The following NUDT3 variants were observed in gnomAD, a reference collection of about 807,000 sequenced individuals.
The protein encoded by NUDT3 is nudix hydrolase 3, also known as diphosphoinositol polyphosphate phosphohydrolase 1.
A neutral mutation model predicts 23.6 loss-of-function variants in NUDT3; 9 were observed. That is an observed-to-expected ratio of 0.38 (90% confidence interval 0.23 to 0.66). NUDT3 has a LOEUF of 0.66. NUDT3 is among the 30% of genes least tolerant of loss of function. The pLI, the probability that NUDT3 is intolerant of heterozygous loss-of-function variation, is 0.52. For synonymous variants in NUDT3, 86 were observed against 82.6 expected (o/e 1.04, Z -0.22); for missense variants, 172 against 218.5 (o/e 0.79, Z 1.34).
intron 1 of NUDT3, among the ~76,000 whole-genome samples, chr6:34,343,293 T>C (rs1349172644): frequency 6.7e-6 from 1 of 150,122 alleles, no homozygotes; most frequent in African/African-American, 2.5e-5. Flanking sequence ...CTCACACCTG[T>C]AATCCCAGCA....
intron 1 of NUDT3, among the ~76,000 whole-genome samples, chr6:34,360,377 C>T (rs951909045): frequency 7.1e-4 from 108 of 152,104 alleles, no homozygotes; most frequent in African/African-American, 2.6e-3. Flanking sequence ...AATTCGAGAC[C>T]AGCCTGGCCA....
At chr6:34,382,778 C>T (rs1462609900) in intron 1 of NUDT3, among the ~76,000 whole-genome samples, 1 of 151,716 alleles carries the variant, frequency 6.6e-6, no homozygotes. Flanking sequence ...CTGCAGTTAG[C>T]CATGACTGCA....
chr6:34,281,898 T>A lies in NUDT3; in HGVS notation c.*6855A>T, dbSNP rs1032898699. Reference sequence around the variant, plus strand: ...TATAGCTCCCTTCTGAACTCCCTCATGTTCTTGGGAGGACACAAGCCTCTT... The same window carrying A: ...TATAGCTCCCTTCTGAACTCCCTCAAGTTCTTGGGAGGACACAAGCCTCTT... On this transcript the variant is annotated 3_prime_UTR_variant, in exon 5 of 5. Coordinates refer to ENST00000607016, the MANE Select transcript of NUDT3 (RefSeq NM_006703.4). The A allele has an allele frequency of 1.3e-4, 20 of 152,218 alleles. No individual in the cohort carries two copies. The highest frequency in any genetic ancestry group is 3.9e-4 in the African/African-American group (16 of 41,464). 9.4% of individuals were successfully genotyped at this position (152,218 alleles called of 1,614,324 possible).
intron 2 of NUDT3, among the ~76,000 whole-genome samples, chr6:34,334,970 A>G (rs1205330398): frequency 1.3e-5 from 2 of 151,832 alleles, no homozygotes; most frequent in African/African-American, 4.8e-5. Flanking sequence ...AGAAAGAGGG[A>G]GAGAAAGAAA....
At chr6:34,384,322 G>C (rs138287111) in intron 1 of NUDT3, among the ~76,000 whole-genome samples, 34 of 152,248 alleles carry the variant, frequency 2.2e-4, no homozygotes, top group Admixed American at 2.2e-3. Context: ...AACAACTTAG[G>C]AACAGCTTCA....
chr6:34,290,173 G>A (rs949104186), intron 4 of NUDT3, among the ~76,000 whole-genome samples: 6 of 152,062 alleles, frequency 3.9e-5, no homozygotes, highest in African/African-American at 1.2e-4. Flanking sequence ...AGAATGTGCT[G>A]CTGAATTTGC....
In NUDT3 at chr6:34,280,760, G is replaced by A. The variant is rs1763271248; in HGVS notation, c.*7993C>T. 6.6e-6 allele frequency: 1 copy of A among 152,200 alleles called. No individual in the cohort carries two copies. The highest frequency in any genetic ancestry group is 2.1e-4 in the South Asian group (1 of 4,828). The allele number at this position is 152,200 out of a possible 1,614,324, so 9.4% of individuals were successfully genotyped here. ...GTGGTCCTGATGGAAATGAACAGCA[G>A]CAGAGTTCTGGTGGGATAGAGCAGT... is the stretch of plus-strand genomic sequence containing the variant. On this transcript the variant is annotated 3_prime_UTR_variant, in exon 5 of 5. Transcript: ENST00000607016.
At chr6:34,342,425 C>G (rs1202629391) in intron 1 of NUDT3, among the ~76,000 whole-genome samples, 1 of 152,066 alleles carries the variant, frequency 6.6e-6, no homozygotes, top group Non-Finnish European at 1.5e-5. Flanking sequence ...AGTTTCTCAC[C>G]CATGAACTGG....
rs140578192 is a variant in NUDT3, at chr6:34,372,724, A to C, written c.99+19540T>G. Among the ~76,000 whole-genome samples, 638 of 152,096 alleles carry C rather than the reference A, an allele frequency of 4.2e-3. 5 individuals carry two copies. Among genetic ancestry groups the C allele is most frequent in the African/African-American group, 0.015 (605 of 41,514 alleles). On this transcript the variant is annotated intron_variant, in intron 1 of 4. Coordinates refer to ENST00000607016, the MANE Select transcript of NUDT3 (RefSeq NM_006703.4). ...GAGGCTGAGGCAGGAGAATCGCTTGAACCCAGGAGGCAGAGGTTGTGGTGG... is the reference window on the plus strand; with the variant it reads ...GAGGCTGAGGCAGGAGAATCGCTTGCACCCAGGAGGCAGAGGTTGTGGTGG...
At chr6:34,387,356 G>A (rs551081160) in intron 1 of NUDT3, among the ~76,000 whole-genome samples, 1 of 152,234 alleles carries the variant, frequency 6.6e-6, no homozygotes, top group African/African-American at 2.4e-5. Context: ...AGATGTGGAG[G>A]TGGAAGACAG....
chr6:34,349,681 C>T (rs1401197208), intron 1 of NUDT3, among the ~76,000 whole-genome samples: 2 of 150,626 alleles, frequency 1.3e-5, no homozygotes, highest in African/African-American at 4.9e-5. Flanking sequence ...CCCTATCCAC[C>T]CACTATCCAC....
chr6:34,308,755 TA>T (rs1763723367), intron 2 of NUDT3, among the ~76,000 whole-genome samples: 1 of 152,194 alleles, frequency 6.6e-6, no homozygotes, highest in South Asian at 2.1e-4. Flanking sequence ...TAATAATCCT[TA>T]ATGTGTATAT....
chr6:34,327,097 T>G (rs1159465534), intron 2 of NUDT3, among the ~76,000 whole-genome samples: 1 of 150,740 alleles, frequency 6.6e-6, no homozygotes, highest in Non-Finnish European at 1.5e-5. Flanking sequence ...GGGGGCAGGG[T>G]AAGGAGGGTG....
intron 2 of NUDT3, among the ~76,000 whole-genome samples, chr6:34,331,431 A>T (rs558367507): frequency 1.4e-4 from 21 of 152,272 alleles, no homozygotes; most frequent in African/African-American, 4.8e-4. Context: ...GACACTGTAC[A>T]TACTAACTTG....
chr6:34,304,975 ATTTTTTTTT>A (rs535349190), intron 2 of NUDT3, among the ~76,000 whole-genome samples: 6 of 85,352 alleles, frequency 7.0e-5, no homozygotes, highest in South Asian at 4.0e-4. Flanking sequence ...CCCGGTCTGA[ATTTTTTTTT>A]TTTTTTTTTT....
Position 34,283,432 on chromosome 6 carries a change from T to A in NUDT3, c.*5321A>T, listed in dbSNP as rs1291241252. ...ATTGGTCAGGCTGGTCTTGAACTCCTGACCTTGTGATCCACCCGCCTCGGC... is the reference window on the plus strand; with the variant it reads ...ATTGGTCAGGCTGGTCTTGAACTCCAGACCTTGTGATCCACCCGCCTCGGC... On this transcript the variant is annotated 3_prime_UTR_variant, in exon 5 of 5. Transcript: ENST00000607016. 2 of 152,210 alleles carry A rather than the reference T, an allele frequency of 1.3e-5. No individual in the cohort carries two copies. Among genetic ancestry groups the A allele is most frequent in the Non-Finnish European group, 2.9e-5 (2 of 68,058 alleles). 9.4% of individuals were successfully genotyped at this position (152,210 alleles called of 1,614,324 possible).
chr6:34,333,465 G>C (rs1370194264), intron 2 of NUDT3, among the ~76,000 whole-genome samples: 1 of 151,578 alleles, frequency 6.6e-6, no homozygotes, highest in Non-Finnish European at 1.5e-5. Context: ...AACTAACAAA[G>C]ATAACCACTG....
At position 34,313,934 on chromosome 6, in the gene NUDT3, C is replaced by G. The variant is rs1433085311; in HGVS notation, c.211-18249G>C. Among the ~76,000 whole-genome samples, 3 of 151,030 alleles carry G rather than the reference C, an allele frequency of 2.0e-5. No homozygotes were observed. The East Asian group carries it at 5.9e-4, about 29-fold the overall frequency. ...CCAACATGGAGAAACCCCGTCTCTACTAAAAATACAAAATTAGCCAGGCGT... is the reference window on the plus strand; with the variant it reads ...CCAACATGGAGAAACCCCGTCTCTAGTAAAAATACAAAATTAGCCAGGCGT... On this transcript the variant is annotated intron_variant, in intron 2 of 4. Transcript: ENST00000607016.
chr6:34,293,376 G>T, intron 4 of NUDT3, 75 bp downstream of exon 4: 1 of 1,572,220 alleles, frequency 6.4e-7, no homozygotes, highest in Non-Finnish European at 8.7e-7. Flanking sequence ...CTTGTTTCTG[G>T]TTCTGGTCAT....
Sources: gnomAD v4.1 joint callset for allele counts (sites outside exome capture counted in the v4.1 genomes callset) on GRCh38, gnomAD v4.1.1 for gene constraint, MANE v1.5 for transcripts, NCBI Gene and HGNC (gene_info 2026-07-23, HGNC 2026-07-21) for gene names.